VWA8: variants seen among roughly 807,000 people sequenced by gnomAD.
VWA8 encodes the protein von Willebrand factor A domain containing 8.
In VWA8, 221 loss-of-function variants were observed where a neutral mutation model predicts 241.5. That is an observed-to-expected ratio of 0.91 (90% CI 0.82 to 1.02). The LOEUF is 1.02. Among genes scored for constraint, VWA8 ranks in the 50% least tolerant of loss-of-function variants. The probability of loss-of-function intolerance (pLI) is 0.00; values close to 1 mark genes in which losing one functional copy is unlikely to be tolerated. For missense variants in VWA8, 2,322 were observed against 2,328.7 expected, an observed-to-expected ratio of 1.00 and a Z score of 0.06; for synonymous variants, 852 against 827.1, an observed-to-expected ratio of 1.03 and a Z score of -0.52.
At chr13:41,581,062 C>A (rs937769600) in intron 42 of VWA8, among the ~76,000 whole-genome samples, 1 of 130,328 alleles carries the variant, frequency 7.7e-6, no homozygotes, top group Non-Finnish European at 1.5e-5. Context: ...TGCAGTGGCG[C>A]AATCTCGGCT....
In VWA8 at chr13:41,611,710, C is replaced by T. The variant is rs748048793; in HGVS notation, c.4743G>A (p.Leu1581=). 1 of 1,614,070 alleles carries T rather than the reference C, an allele frequency of 6.2e-7. No homozygotes were observed. Among genetic ancestry groups the T allele is most frequent in the Non-Finnish European group, 8.5e-7 (1 of 1,179,958 alleles). The change falls in exon 39 of 45, where the codon CTG becomes CTA. Residue 1581 remains leucine, a synonymous_variant. Coordinates refer to ENST00000379310, the MANE Select transcript of VWA8 (RefSeq NM_015058.2). The part of the protein sequence containing the change: ...GGTGGRDTAG[L]GGKGGPYRLD... ...GCCGGTAAGGGCCTCCTTTGCCACC[C>T]AGGCCTGCCGTGTCTCTTCCCCCTG...
chr13:41,863,455 T>TATATATATTCACACACA (rs1566485517), intron 12 of VWA8, among the ~76,000 whole-genome samples: 1 of 87,146 alleles, frequency 1.1e-5, no homozygotes, highest in African/African-American at 4.3e-5. Flanking sequence ...ATATATATAT[T>TATATATATTCACACACA]CACACACACA....
intron 39 of VWA8, among the ~76,000 whole-genome samples, chr13:41,610,527 T>A (rs2044580413): frequency 6.6e-6 from 1 of 151,806 alleles, no homozygotes; most frequent in Non-Finnish European, 1.5e-5. Flanking sequence ...CAGGCTTTCC[T>A]GAGGGTGTGG....
rs1267005301 is a variant in VWA8, at chr13:41,720,873, C to T, written c.2964+497G>A. 2.0e-5 allele frequency among the ~76,000 whole-genome samples: 3 copies of T among 152,194 alleles called. No individual in the cohort carries two copies. In the East Asian group the frequency reaches 5.8e-4, roughly 29 times the overall value. On this transcript the variant is annotated intron_variant, in intron 25 of 44. Transcript: ENST00000379310. The stretch of plus-strand genomic sequence containing the variant: ...TTGTTTTCTTTACTAAGGTGGAGTA[C>T]ACATTGTACATGGTCGCAGGAAATT...
At chr13:41,838,464 G>A (rs1267515652) in intron 12 of VWA8, among the ~76,000 whole-genome samples, 1 of 152,084 alleles carries the variant, frequency 6.6e-6, no homozygotes, top group Admixed American at 6.6e-5. Flanking sequence ...TAAATTGCTT[G>A]TAGCAAAAGT....
intron 12 of VWA8, among the ~76,000 whole-genome samples, chr13:41,858,550 T>C (rs1365297219): frequency 6.6e-6 from 1 of 151,612 alleles, no homozygotes; most frequent in African/African-American, 2.4e-5. Flanking sequence ...AGGTTGCAGT[T>C]AACCAATATC....
At chr13:41,817,042 G>T (rs1870727735) in intron 15 of VWA8, among the ~76,000 whole-genome samples, 1 of 152,132 alleles carries the variant, frequency 6.6e-6, no homozygotes, top group Non-Finnish European at 1.5e-5. Context: ...CGATAAAACT[G>T]AAGGGAGCCT....
At chr13:41,833,621 T>G (rs1871581563) in intron 12 of VWA8, 90 bp from the exon 13 acceptor site, 8 of 1,369,884 alleles carry the variant, frequency 5.8e-6, no homozygotes, top group Non-Finnish European at 7.7e-6. Context: ...TAGAGTCACC[T>G]CCGTCTGAAC....
At chr13:41,575,495 C>T (rs2044344975) in intron 43 of VWA8, among the ~76,000 whole-genome samples, 1 of 152,004 alleles carries the variant, frequency 6.6e-6, no homozygotes, top group Non-Finnish European at 1.5e-5. Flanking sequence ...TACAAGGGGG[C>T]CCAGGTTGTA....
chr13:41,652,847 C>T (rs1272730540), intron 37 of VWA8, among the ~76,000 whole-genome samples: 2 of 152,026 alleles, frequency 1.3e-5, no homozygotes, highest in Non-Finnish European at 2.9e-5. Context: ...AGCCTAGTGA[C>T]GATGCTTTTA....
chr13:41,654,198 C>T (rs1220748226), intron 37 of VWA8, among the ~76,000 whole-genome samples: 1 of 152,150 alleles, frequency 6.6e-6, no homozygotes, highest in African/African-American at 2.4e-5. Context: ...AAGCAAGAAT[C>T]ATGAACAGAT....
chr13:41,879,792 A>G (rs1367707425), intron 9 of VWA8, among the ~76,000 whole-genome samples: 2 of 152,154 alleles, frequency 1.3e-5, no homozygotes, highest in African/African-American at 4.8e-5. Context: ...TTTGAAGATA[A>G]GGGAGAGAGA....
chr13:41,583,626 G>A (rs1383293832), intron 42 of VWA8, among the ~76,000 whole-genome samples: 19 of 136,206 alleles, frequency 1.4e-4, no homozygotes, highest in African/African-American at 4.2e-4. Context: ...CTGGGTGACC[G>A]AGCAAGACTC....
At chr13:41,925,651 G>T in intron 2 of VWA8, 1 of 176,990 alleles carries the variant, frequency 5.7e-6, no homozygotes, top group South Asian at 1.2e-4. Flanking sequence ...AGCCAAAACT[G>T]AGCAAGAATG....
At chr13:41,588,916 T>C (rs978841616) in intron 41 of VWA8, among the ~76,000 whole-genome samples, 1 of 152,192 alleles carries the variant, frequency 6.6e-6, no homozygotes, top group Admixed American at 6.5e-5. Flanking sequence ...TTAAGAACAC[T>C]TATACATATG....
At chr13:41,585,446 A>G (rs2139643724) in intron 42 of VWA8, among the ~76,000 whole-genome samples, 1 of 152,306 alleles carries the variant, frequency 6.6e-6, no homozygotes, top group African/African-American at 2.4e-5. Context: ...AGTATTTCAC[A>G]TGTCAGAGCA....
At position 41,678,738 on chromosome 13, in the gene VWA8, G is replaced by A. The variant is rs2045077857; in HGVS notation, c.4328-3442C>T. ...TTACTTTGCTAATTAATTCCTTGGTGAGAAAATGCAATAATGACAGTGTCT... is the reference window on the plus strand; with the variant it reads ...TTACTTTGCTAATTAATTCCTTGGTAAGAAAATGCAATAATGACAGTGTCT... On this transcript the variant is annotated intron_variant, in intron 35 of 44. Coordinates refer to ENST00000379310, the MANE Select transcript of VWA8 (RefSeq NM_015058.2). 1.3e-5 allele frequency among the ~76,000 whole-genome samples: 2 copies of A among 152,102 alleles called. 1 individual carries two copies. The highest frequency in any genetic ancestry group is 4.2e-4 in the South Asian group (2 of 4,806).
At chr13:41,914,399 G>C (rs1224942752) in intron 2 of VWA8, among the ~76,000 whole-genome samples, 19 of 152,142 alleles carry the variant, frequency 1.2e-4, no homozygotes, top group Non-Finnish European at 1.6e-4. Flanking sequence ...CCTGAGTCTA[G>C]AGAGTTAATC....
chr13:41,858,736 T>C (rs1872870586), intron 12 of VWA8, among the ~76,000 whole-genome samples: 1 of 152,092 alleles, frequency 6.6e-6, no homozygotes, highest in South Asian at 2.1e-4. Context: ...AGTATATACA[T>C]GGTTCTTGAA....
Sources: allele counts gnomAD v4.1 joint callset (sites outside exome capture counted in the v4.1 genomes callset), GRCh38; gene constraint gnomAD v4.1.1; transcripts MANE v1.5; gene names NCBI Gene and HGNC (gene_info 2026-07-23, HGNC 2026-07-21).